The following ZMYM2 variants were observed in gnomAD, a reference collection of about 807,000 sequenced individuals.
ZMYM2 encodes zinc finger MYM-type containing 2, also known as zinc finger MYM-type protein 2.
In ZMYM2, 56 loss-of-function variants were observed where a neutral mutation model predicts 162.8. The observed-to-expected ratio is 0.34, with a 90% CI of 0.28 to 0.43. The LOEUF (loss-of-function observed/expected upper bound fraction) is 0.43, where lower values mean the gene tolerates loss of function less well. ZMYM2 is among the 20% of genes least tolerant of loss of function. The probability of loss-of-function intolerance (pLI) is 1.00; values close to 1 mark genes in which losing one functional copy is unlikely to be tolerated. For synonymous variants in ZMYM2, 510 were observed against 541.6 expected (o/e 0.94, Z 0.81); for missense variants, 1,275 against 1,621.8 (o/e 0.79, Z 3.67).
At chr13:20,025,067 T>A (rs1362177624) in intron 7 of ZMYM2, 1 of 211,946 alleles carries the variant, frequency 4.7e-6, no homozygotes, top group South Asian at 1.9e-4. Flanking sequence ...CTTCCATTTA[T>A]TACCTTCATT....
chr13:19,936,947 C>T, the ZMYM2 span, among the ~76,000 whole-genome samples: 1 of 151,608 alleles, frequency 6.6e-6, no homozygotes, highest in Non-Finnish European at 1.5e-5. Context: ...AGTGAACTGA[C>T]TTAGAGTTTG....
chr13:20,078,366 A>G (rs1385490972), intron 21 of ZMYM2, among the ~76,000 whole-genome samples: 1 of 152,148 alleles, frequency 6.6e-6, no homozygotes, highest in Non-Finnish European at 1.5e-5. Context: ...TGAATGTCTT[A>G]TATTCCCAAT....
the ZMYM2 span, among the ~76,000 whole-genome samples, chr13:19,916,505 A>G: frequency 3.3e-5 from 5 of 152,234 alleles, no homozygotes; most frequent in Admixed American, 6.6e-5. Context: ...AATGTGGCAC[A>G]TATACACAAT....
intron 1 of ZMYM2, among the ~76,000 whole-genome samples, chr13:19,959,372 G>A (rs923275486): frequency 6.6e-6 from 1 of 152,124 alleles, no homozygotes; most frequent in African/African-American, 2.4e-5. Flanking sequence ...CCTCTGCTCC[G>A]CCGGGTCCCC....
At chr13:19,891,376 G>A in the ZMYM2 span, among the ~76,000 whole-genome samples, 3 of 151,784 alleles carry the variant, frequency 2.0e-5, no homozygotes, top group Non-Finnish European at 4.4e-5. Flanking sequence ...CCAGAGCTAT[G>A]AGAAAACGAA....
intron 19 of ZMYM2, among the ~76,000 whole-genome samples, chr13:20,066,249 C>T (rs933487255): frequency 1.3e-5 from 2 of 152,002 alleles, no homozygotes; most frequent in East Asian, 1.9e-4. Flanking sequence ...TACAGATGAC[C>T]GTTGTACAAT....
the ZMYM2 span, among the ~76,000 whole-genome samples, chr13:19,885,255 C>T: frequency 6.6e-6 from 1 of 152,172 alleles, no homozygotes; most frequent in South Asian, 2.1e-4. Context: ...TCCTGGGCCA[C>T]GGAGTGAGAC....
the ZMYM2 span, among the ~76,000 whole-genome samples, chr13:19,925,492 T>C: frequency 6.6e-6 from 1 of 152,136 alleles, no homozygotes; most frequent in Non-Finnish European, 1.5e-5. Context: ...CAAGTAGTTA[T>C]GATATGTTTG....
Position 20,026,765 on chromosome 13 carries a change from A to G in ZMYM2, c.1735+3A>G, listed in dbSNP as rs1952619589. 6.3e-7 allele frequency: 1 copy of G among 1,589,682 alleles called. No individual in the cohort carries two copies. Among genetic ancestry groups the G allele is most frequent in the South Asian group, 1.2e-5 (1 of 84,564 alleles). ...GACAAAATATGCAAAATCACAAAGT[A>G]AGTTTCACATATTTGGACAGTTAAA... On this transcript the variant is annotated splice_donor_region_variant and intron_variant, in intron 8 of 24. Coordinates refer to ENST00000610343, the MANE Select transcript of ZMYM2 (RefSeq NM_197968.4).
At chr13:20,037,213 A>ATTTTT (rs754909177) in intron 12 of ZMYM2, among the ~76,000 whole-genome samples, 36 of 90,378 alleles carry the variant, frequency 4.0e-4, no homozygotes, top group African/African-American at 6.7e-4. Flanking sequence ...ACTAAGTAGA[A>ATTTTT]TTTTTTTTTT....
chr13:19,983,128 A>C (rs1957496198), intron 2 of ZMYM2, among the ~76,000 whole-genome samples: 1 of 151,364 alleles, frequency 6.6e-6, no homozygotes, highest in Non-Finnish European at 1.5e-5. Context: ...ATTTGTATAT[A>C]ATATTTTCCC....
At chr13:19,952,918 A>C in the ZMYM2 span, among the ~76,000 whole-genome samples, 1 of 152,192 alleles carries the variant, frequency 6.6e-6, no homozygotes, top group East Asian at 1.9e-4. Flanking sequence ...GGTATCAAGA[A>C]GTGAGACCTT....
chr13:19,939,138 C>T, the ZMYM2 span, among the ~76,000 whole-genome samples: 3 of 151,292 alleles, frequency 2.0e-5, no homozygotes, highest in Admixed American at 6.6e-5. Flanking sequence ...ATTCTCGTGC[C>T]TCAGGCTCCC....
At chr13:19,982,803 G>C (rs1039504082) in intron 2 of ZMYM2, among the ~76,000 whole-genome samples, 6 of 152,124 alleles carry the variant, frequency 3.9e-5, no homozygotes, top group African/African-American at 1.2e-4. Context: ...TGTGGATTCA[G>C]TGTTTACCTT....
At position 20,086,073 on chromosome 13, in the gene ZMYM2, T is replaced by A. The variant is rs1321553562; in HGVS notation, c.*59T>A. 2 of 1,529,968 alleles carry A rather than the reference T, an allele frequency of 1.3e-6. No homozygotes were observed. The highest frequency in any genetic ancestry group is 1.4e-5 in the African/African-American group (1 of 72,684). The allele number at this position is 1,529,968 out of a possible 1,614,324, so 94.8% of individuals were successfully genotyped here. On this transcript the variant is annotated 3_prime_UTR_variant, in exon 25 of 25. Transcript: ENST00000610343. ...AGCATTAGATAGTCATGCTGCTAGA[T>A]CTTTATTATGGAAAACATTTCAAGT...
Position 19,993,828 on chromosome 13 carries a change from C to A in ZMYM2, c.756C>A (p.Thr252=), listed in dbSNP as rs772838263. ...ACACCCCATCTTTAACTTCACAGACCAAGACTGGAGTAGGACCTTTTAATC... is the reference window on the plus strand; with the variant it reads ...ACACCCCATCTTTAACTTCACAGACAAAGACTGGAGTAGGACCTTTTAATC... ...QTYTPSLTSQ[T]KTGVGPFNPG... is the part of the protein sequence containing the mutation. Residue 252 remains threonine, a synonymous_variant, in exon 3 of 25, where the codon ACC becomes ACA. Transcript: ENST00000610343. 1.2e-6 allele frequency: 2 copies of A among 1,614,094 alleles called. No individual in the cohort carries two copies. Among genetic ancestry groups the A allele is most frequent in the Non-Finnish European group, 8.5e-7 (1 of 1,180,002 alleles).
chr13:19,957,553 C>A (rs1954621754), upstream of ZMYM2, among the ~76,000 whole-genome samples: 1 of 152,238 alleles, frequency 6.6e-6, no homozygotes, highest in Non-Finnish European at 1.5e-5. Flanking sequence ...TGGGGCCCGC[C>A]CTCCTCGGGC....
chr13:20,051,491 G>A lies in ZMYM2; in HGVS notation c.2351G>A (p.Arg784His), dbSNP rs2140575434. The change falls in exon 13 of 25, where the codon CGT (arginine) becomes CAT (histidine). Residue 784 changes from arginine to histidine, a missense_variant. Arg to His is a conservative substitution (Grantham distance 29, BLOSUM62 0). Around this residue, in one of 10 missense-constraint regions of ZMYM2, gnomAD observed 177 missense variants for 228.0 expected, o/e 0.78. Transcript: ENST00000610343. ...ACTCTTAAAGAGCGAGTTCAGTGGC[G>A]TGGGGAAATGAAACATTTCTGTGAT... The part of the protein sequence containing the change: ...QGTLKERVQW[R>H]GEMKHFCDQH... 6.2e-7 allele frequency: 1 copy of A among 1,613,516 alleles called. No individual in the cohort carries two copies. Among genetic ancestry groups the A allele is most frequent in the Non-Finnish European group, 8.5e-7 (1 of 1,179,628 alleles).
chr13:19,898,756 T>C, the ZMYM2 span, among the ~76,000 whole-genome samples: 1 of 148,842 alleles, frequency 6.7e-6, no homozygotes. Context: ...CAAGACCCTG[T>C]CTCTACAAAA....
Sources: gnomAD v4.1 joint callset for allele counts (sites outside exome capture counted in the v4.1 genomes callset) on GRCh38, gnomAD v4.1.1 for gene constraint, gnomAD v4.1.1 regional missense constraint, MANE v1.5 for transcripts, NCBI Gene and HGNC (gene_info 2026-07-23, HGNC 2026-07-21) for gene names.